Variants in XPO1 observed in about 807,000 individuals in gnomAD.
The protein encoded by XPO1 is exportin 1.
Under a neutral mutation model 133.3 loss-of-function variants are expected in XPO1, and 5 were observed. The observed-to-expected ratio is 0.04, with a 90% CI of 0.02 to 0.08. XPO1 has a LOEUF of 0.08. Among genes scored for constraint, XPO1 ranks in the 10% least tolerant of loss-of-function variants. The pLI is 1.00. For missense variants in XPO1, 506 were observed against 1,267.5 expected, an observed-to-expected ratio of 0.40 and a Z score of 9.12; for synonymous variants, 419 against 408.2, an observed-to-expected ratio of 1.03 and a Z score of -0.32.
chr2:61,528,592 AG>A (rs1699010756), intron 2 of XPO1, among the ~76,000 whole-genome samples: 1 of 151,038 alleles, frequency 6.6e-6, no homozygotes, highest in African/African-American at 2.4e-5. Context: ...AGATTCCCCA[AG>A]AATCAGGAAG....
intron 6 of XPO1, among the ~76,000 whole-genome samples, chr2:61,500,627 C>G (rs961083825): frequency 7.0e-6 from 1 of 143,196 alleles, no homozygotes; most frequent in African/African-American, 2.6e-5. Flanking sequence ...GGTGAAACCC[C>G]GTCTCTACTA....
chr2:61,486,355 GAA>G (rs1357266329), intron 19 of XPO1, among the ~76,000 whole-genome samples: 1 of 152,092 alleles, frequency 6.6e-6, no homozygotes, highest in Non-Finnish European at 1.5e-5. Context: ...CTCACAATAA[GAA>G]AAGTGAGGCT....
chr2:61,524,165 CTCAG>C (rs1171603626), intron 3 of XPO1, among the ~76,000 whole-genome samples: 8 of 152,120 alleles, frequency 5.3e-5, no homozygotes, highest in Non-Finnish European at 1.2e-4. Flanking sequence ...ATTGTCAAGA[CTCAG>C]TAAGTCAAAG....
chr2:61,517,695 G>A (rs966048324), intron 4 of XPO1, among the ~76,000 whole-genome samples: 1 of 152,126 alleles, frequency 6.6e-6, no homozygotes, highest in African/African-American at 2.4e-5. Context: ...AGCAATTTGG[G>A]ACGGCAAAGT....
intron 3 of XPO1, chr2:61,525,698 A>C (rs745653606): frequency 1.1e-4 from 117 of 1,026,376 alleles, no homozygotes; most frequent in Non-Finnish European, 1.3e-4. Context: ...TTTTTGACCT[A>C]AAATTTACAA....
intron 4 of XPO1, among the ~76,000 whole-genome samples, chr2:61,508,498 A>G (rs1438619628): frequency 6.6e-6 from 1 of 152,248 alleles, no homozygotes; most frequent in Non-Finnish European, 1.5e-5. Context: ...TTGCAACTGC[A>G]TAGTATCAAC....
In XPO1 at chr2:61,492,823, A is replaced by G; in HGVS notation, c.1385-75T>C. On this transcript the variant is annotated intron_variant, in intron 13 of 24. Transcript: ENST00000401558. The surrounding 1 kb of genome is among the most constrained non-coding windows in gnomAD (Gnocchi z 5.6). ...TGATGAGTAACAATACATTTAGAAA[A>G]TATTTAGAAACTACAAGTACATTTC... 1 of 1,562,456 alleles carries G rather than the reference A, an allele frequency of 6.4e-7. No homozygotes were observed.
At chr2:61,505,782 T>TCCTGACTTCAGGTGATCCGCCCA (rs1282404559) in intron 4 of XPO1, among the ~76,000 whole-genome samples, 1 of 152,142 alleles carries the variant, frequency 6.6e-6, no homozygotes, top group African/African-American at 2.4e-5. Context: ...CATCTCGAAC[T>TCCTGACTTCAGGTGATCCGCCCA]CCTGACTTCA....
intron 4 of XPO1, among the ~76,000 whole-genome samples, chr2:61,507,379 G>T (rs932956628): frequency 6.6e-6 from 1 of 151,966 alleles, no homozygotes; most frequent in African/African-American, 2.4e-5. Context: ...CTTGAGACCA[G>T]CTTGGGCAAC....
In XPO1 at chr2:61,491,945, C is replaced by A. The variant is rs180704091; in HGVS notation, c.1887+90G>T. 3.5e-6 allele frequency: 5 copies of A among 1,423,338 alleles called. No individual in the cohort carries two copies. The African/African-American group carries it at 7.2e-5, about 20-fold the overall frequency. The allele number at this position is 1,423,338 out of a possible 1,614,324, so 88.2% of individuals were successfully genotyped here. A position where few individuals can be genotyped will look rare whatever the true frequency, so the allele number is the denominator to read the frequency against. ...TTAATCAGAAACACTTCTATTGGATCCAATAGTTGCCCTCCTATTTCCATT... is the reference window on the plus strand; with the variant it reads ...TTAATCAGAAACACTTCTATTGGATACAATAGTTGCCCTCCTATTTCCATT... On this transcript the variant is annotated intron_variant, in intron 16 of 24. Coordinates refer to ENST00000401558, the MANE Select transcript of XPO1 (RefSeq NM_003400.4).
chr2:61,512,806 T>C (rs879334326), intron 4 of XPO1, among the ~76,000 whole-genome samples: 6 of 152,176 alleles, frequency 3.9e-5, no homozygotes, highest in Non-Finnish European at 8.8e-5. Flanking sequence ...TTTGGGAGGC[T>C]GAGACTGGCG....
intron 4 of XPO1, among the ~76,000 whole-genome samples, chr2:61,510,937 C>CA (rs1163597698): frequency 0.066 from 4,005 of 60,480 alleles, 102 homozygotes; most frequent in Middle Eastern, 0.21. Flanking sequence ...GACCTTATCT[C>CA]AAAAAAAAAA....
Position 61,538,163 on chromosome 2 carries a change from A to C in XPO1, c.-608T>G. The stretch of plus-strand genomic sequence containing the variant: ...TGCAGCAGCAAAGACTGGAACAGGC[A>C]CCGCCGCCGGGGCTGTAGCTACTGT... On this transcript the variant is annotated 5_prime_UTR_variant, in exon 1 of 25. Coordinates refer to ENST00000401558, the MANE Select transcript of XPO1 (RefSeq NM_003400.4). The C allele has an allele frequency of 4.7e-6, 1 of 211,222 alleles. No homozygotes were observed. Among genetic ancestry groups the C allele is most frequent in the Non-Finnish European group, 9.5e-6 (1 of 105,622 alleles). The allele number at this position is 211,222 out of a possible 1,614,324, so 13.1% of individuals were successfully genotyped here. A position where few individuals can be genotyped will look rare whatever the true frequency, so the allele number is the denominator to read the frequency against.
intron 4 of XPO1, among the ~76,000 whole-genome samples, chr2:61,511,367 T>C (rs1698090018): frequency 6.6e-6 from 1 of 152,176 alleles, no homozygotes; most frequent in Non-Finnish European, 1.5e-5. Context: ...CCTCAGGTGA[T>C]CTGCCTGCCT....
chr2:61,481,355 C>T (rs1696343044), intron 23 of XPO1, 74 bp from the exon 24 acceptor site: 1 of 1,161,622 alleles, frequency 8.6e-7, no homozygotes, highest in Non-Finnish European at 1.2e-6. Context: ...TGTCACCAGG[C>T]TGGAGTACAG....
At chr2:61,512,388 G>C (rs1241083376) in intron 4 of XPO1, among the ~76,000 whole-genome samples, 5 of 152,098 alleles carry the variant, frequency 3.3e-5, no homozygotes, top group African/African-American at 1.2e-4. Flanking sequence ...CATAGTCAAC[G>C]AACTATGAAA....
At chr2:61,524,774 G>A (rs954796731) in intron 3 of XPO1, among the ~76,000 whole-genome samples, 5 of 152,152 alleles carry the variant, frequency 3.3e-5, no homozygotes, top group Non-Finnish European at 7.3e-5. Context: ...GTAAGTTAGC[G>A]AGGCATGGTG....
chr2:61,480,370 C>T (rs370964468), intron 24 of XPO1: 4 of 149,298 alleles, frequency 2.7e-5, no homozygotes, highest in Non-Finnish European at 4.4e-5. Flanking sequence ...ACCTTTGCCT[C>T]GTGGGTTCAA....
rs913311835 is a variant in XPO1 at position 61,533,756 on chromosome 2, T to C, written c.126+16A>G. ...ACACTGTCATAATGTTATAAAGTTT[T>C]GGTTGGCTACTTTACCTGGGCTCCT... On this transcript the variant is annotated intron_variant, in intron 2 of 24. Transcript: ENST00000401558. The C allele has an allele frequency of 1.9e-6, 3 of 1,574,170 alleles. No individual in the cohort carries two copies. Among genetic ancestry groups the C allele is most frequent in the African/African-American group, 2.7e-5 (2 of 73,260 alleles).
Sources: gnomAD v4.1 joint callset for allele counts (sites outside exome capture counted in the v4.1 genomes callset) on GRCh38, gnomAD v4.1.1 for gene constraint, Gnocchi (gnomAD v3.1) non-coding constraint, MANE v1.5 for transcripts, NCBI Gene and HGNC (gene_info 2026-07-23, HGNC 2026-07-21) for gene names.